Variants in MAN2A1 observed in about 807,000 individuals in gnomAD.
MAN2A1 encodes mannosidase alpha class 2A member 1.
In MAN2A1, 76 loss-of-function variants were observed where a neutral mutation model predicts 142.6. The observed-to-expected ratio is 0.53, with a 90% CI of 0.44 to 0.65. MAN2A1 has a LOEUF of 0.65. MAN2A1 is among the 30% of genes least tolerant of loss of function. The pLI is 0.00. For synonymous variants in MAN2A1, 559 were observed against 473.2 expected (o/e 1.18, Z -2.35); for missense variants, 1,311 against 1,365.1 (o/e 0.96, Z 0.62).
At chr5:109,749,825 T>TG (rs1752499876) in intron 4 of MAN2A1, among the ~76,000 whole-genome samples, 1 of 152,096 alleles carries the variant, frequency 6.6e-6, no homozygotes, top group African/African-American at 2.4e-5. Context: ...TGATACCTGT[T>TG]GAACACTGTG....
rs6871664 is a variant in MAN2A1, at chr5:109,709,282, A to C, written c.136-4238A>C. On this transcript the variant is annotated intron_variant, in intron 1 of 21. Transcript: ENST00000261483. ...ACCTATGAGAATGGCATTTTCGTATAGTTTGATCTAATAGAACATGTTACA... is the reference window on the plus strand; with the variant it reads ...ACCTATGAGAATGGCATTTTCGTATCGTTTGATCTAATAGAACATGTTACA... Among the ~76,000 whole-genome samples the C allele has an allele frequency of 8.9e-4, 135 of 152,362 alleles. 1 individual carries two copies. Among genetic ancestry groups the C allele is most frequent in the African/African-American group, 3.2e-3 (133 of 41,590 alleles).
intron 4 of MAN2A1, among the ~76,000 whole-genome samples, chr5:109,730,474 A>C (rs1286947532): frequency 6.6e-6 from 1 of 151,998 alleles, no homozygotes; most frequent in Non-Finnish European, 1.5e-5. Context: ...TGTTTTAAAA[A>C]GTTTTCTCCA....
chr5:109,713,817 T>TTTG, intron 2 of MAN2A1, 43 bp downstream of exon 2: 1 of 1,558,204 alleles, frequency 6.4e-7, no homozygotes, highest in Non-Finnish European at 8.7e-7. Context: ...TTTTTTTTTT[T>TTTG]TTGTTCTTTT....
At position 109,860,370 on chromosome 5, in the gene MAN2A1, G is replaced by A. The variant is rs115295894; in HGVS notation, c.3172-4666G>A. ...ATACCATCTTAGGACTTATAATGAAGCATGTAATTTTCTAACCTTTCCAGC... is the reference window on the plus strand; with the variant it reads ...ATACCATCTTAGGACTTATAATGAAACATGTAATTTTCTAACCTTTCCAGC... On this transcript the variant is annotated intron_variant, in intron 20 of 21. Transcript: ENST00000261483. 2.0e-3 allele frequency among the ~76,000 whole-genome samples: 307 copies of A among 152,232 alleles called. 2 individuals are homozygous for A. Among genetic ancestry groups the A allele is most frequent in the African/African-American group, 7.1e-3 (294 of 41,532 alleles).
At chr5:109,716,383 T>A in intron 3 of MAN2A1, 119 bp downstream of exon 3, 1 of 728,566 alleles carries the variant, frequency 1.4e-6, no homozygotes, top group Non-Finnish European at 2.2e-6. Context: ...CTCTGACTTT[T>A]AACATTAATA....
Position 109,690,497 on chromosome 5 carries a change from A to G in MAN2A1, c.80A>G (p.Asp27Gly). Reference sequence around the variant, plus strand: ...ATTTTCTCGCTCTACCTGATGCTGGACCGGGGTCACTTAGACTACCCCAGG... The same window carrying G: ...ATTTTCTCGCTCTACCTGATGCTGGGCCGGGGTCACTTAGACTACCCCAGG... ...VVIFSLYLMLDRGHLDYPRNP... is the reference protein window; with the variant it reads ...VVIFSLYLMLGRGHLDYPRNP... The change falls in exon 1 of 22, where the codon GAC (aspartate) becomes GGC (glycine). Residue 27 changes from aspartate (D) to glycine (G), a missense_variant. Asp to Gly is a moderately conservative substitution (Grantham distance 94). This residue lies in a region of MAN2A1 where 409 missense variants were observed against 412.7 expected (regional missense o/e 0.99). Transcript: ENST00000261483. The G allele has an allele frequency of 6.2e-7, 1 of 1,613,700 alleles. No individual in the cohort carries two copies. The highest frequency in any genetic ancestry group is 8.5e-7 in the Non-Finnish European group (1 of 1,179,790).
At chr5:109,770,795 T>A (rs1753125963) in intron 7 of MAN2A1, among the ~76,000 whole-genome samples, 1 of 152,120 alleles carries the variant, frequency 6.6e-6, no homozygotes, top group Admixed American at 6.6e-5. Context: ...ATTATTACCA[T>A]CTCCTTTGCC....
intron 10 of MAN2A1, among the ~76,000 whole-genome samples, chr5:109,786,398 G>A (rs1299878182): frequency 6.6e-6 from 1 of 152,010 alleles, no homozygotes; most frequent in Non-Finnish European, 1.5e-5. Context: ...CTGTCATATC[G>A]AAAGAGATTT....
At chr5:109,811,716 C>A (rs1037845006) in intron 12 of MAN2A1, among the ~76,000 whole-genome samples, 24 of 151,732 alleles carry the variant, frequency 1.6e-4, no homozygotes, top group Non-Finnish European at 2.9e-4. Context: ...TGTTTCTGTG[C>A]CTCTCCCTCC....
chr5:109,761,310 A>G (rs1752837579), intron 5 of MAN2A1, among the ~76,000 whole-genome samples: 1 of 151,772 alleles, frequency 6.6e-6, no homozygotes, highest in Non-Finnish European at 1.5e-5. Flanking sequence ...CAGATTTTTA[A>G]TAGAAATTGT....
At chr5:109,722,260 C>A (rs1751625714) in intron 3 of MAN2A1, among the ~76,000 whole-genome samples, 1 of 152,152 alleles carries the variant, frequency 6.6e-6, no homozygotes, top group Non-Finnish European at 1.5e-5. Flanking sequence ...GCACTATCTC[C>A]TATCCTTCTT....
chr5:109,824,298 A>G (rs936196569), intron 16 of MAN2A1, among the ~76,000 whole-genome samples: 2 of 152,222 alleles, frequency 1.3e-5, no homozygotes, highest in Non-Finnish European at 2.9e-5. Flanking sequence ...TACCCAGTAG[A>G]GTATAAAACC....
chr5:109,832,764 C>T (rs1460967272), intron 16 of MAN2A1, among the ~76,000 whole-genome samples: 4 of 150,178 alleles, frequency 2.7e-5, no homozygotes, highest in Non-Finnish European at 4.5e-5. Flanking sequence ...CTGGCCGGGC[C>T]GGGGCTGCCC....
At position 109,770,360 on chromosome 5, in the gene MAN2A1, G is replaced by A. The variant is rs1250976097; in HGVS notation, c.1015G>A (p.Gly339Arg). The change falls in exon 7 of 22, where the codon GGA becomes AGA. Residue 339 changes from glycine to arginine, a missense_variant. Gly to Arg is a moderately radical substitution (Grantham distance 125). Transcript: ENST00000261483. ...EFFWRQNWDLGSVTDILCHMM... is the reference protein window; with the variant it reads ...EFFWRQNWDLRSVTDILCHMM... Reference sequence around the variant, plus strand: ...GTGTTGGCTCTTTATTTTAGATCTGGGATCTGTCACAGATATTTTATGCCA... The same window carrying A: ...GTGTTGGCTCTTTATTTTAGATCTGAGATCTGTCACAGATATTTTATGCCA... 6.2e-7 allele frequency: 1 copy of A among 1,610,856 alleles called. No individual in the cohort carries two copies. The highest frequency in any genetic ancestry group is 8.5e-7 in the Non-Finnish European group (1 of 1,178,376).
rs1750634733 is a variant in MAN2A1, at chr5:109,690,513, C to G, written c.96C>G (p.Asp32Glu). 6.2e-6 allele frequency: 10 copies of G among 1,612,946 alleles called. No individual in the cohort carries two copies. The highest frequency in any genetic ancestry group is 8.5e-6 in the Non-Finnish European group (10 of 1,179,516). The change falls in exon 1 of 22, where the codon GAC (aspartate) becomes GAG (glutamate). Residue 32 changes from aspartate (D) to glutamate (E), a missense_variant. By Grantham distance (45) the Asp-to-Glu change is conservative (BLOSUM62 2). Coordinates refer to ENST00000261483, the MANE Select transcript of MAN2A1 (RefSeq NM_002372.4). ...TGATGCTGGACCGGGGTCACTTAGA[C>G]TACCCCAGGAACCCGCGCCGCGAGG... ...LYLMLDRGHL[D>E]YPRNPRREGS...
intron 5 of MAN2A1, among the ~76,000 whole-genome samples, chr5:109,756,347 A>G (rs1225838861): frequency 2.0e-5 from 3 of 152,298 alleles, no homozygotes; most frequent in Admixed American, 6.5e-5. Flanking sequence ...GTAACATGGT[A>G]TGTAAATCCT....
intron 17 of MAN2A1, among the ~76,000 whole-genome samples, chr5:109,844,768 C>A (rs1561540431): frequency 6.6e-6 from 1 of 152,186 alleles, no homozygotes; most frequent in Non-Finnish European, 1.5e-5. Context: ...CAGCGTTCTC[C>A]CTATGCCTCT....
chr5:109,694,385 G>A (rs535705959), intron 1 of MAN2A1, among the ~76,000 whole-genome samples: 3 of 151,648 alleles, frequency 2.0e-5, no homozygotes, highest in Admixed American at 2.0e-4. Flanking sequence ...CTGTCATCCA[G>A]GCTGGAGTGC....
At chr5:109,821,171 C>T (rs1008993057) in intron 15 of MAN2A1, among the ~76,000 whole-genome samples, 1 of 152,134 alleles carries the variant, frequency 6.6e-6, no homozygotes, top group Non-Finnish European at 1.5e-5. Flanking sequence ...TTCTTATTGT[C>T]TTTTATTTTA....
Sources: gnomAD v4.1 joint callset for allele counts (sites outside exome capture counted in the v4.1 genomes callset) on GRCh38, gnomAD v4.1.1 for gene constraint, gnomAD v4.1.1 regional missense constraint, MANE v1.5 for transcripts, NCBI Gene and HGNC (gene_info 2026-07-23, HGNC 2026-07-21) for gene names.